FTCDNL1: variants seen among roughly 807,000 people sequenced by gnomAD.
The protein encoded by FTCDNL1 is formiminotransferase cyclodeaminase N-terminal like, also known as formiminotransferase N-terminal subdomain-containing protein.
Under a neutral mutation model 5.9 loss-of-function variants are expected in FTCDNL1, and 11 were observed. That is an observed-to-expected ratio of 1.87 (90% CI 1.18 to 3.10). The LOEUF (loss-of-function observed/expected upper bound fraction) is 3.10. Among genes scored for constraint, FTCDNL1 ranks in the 30% most tolerant of loss-of-function variants. The pLI, the probability that FTCDNL1 is intolerant of heterozygous loss-of-function variation, is 0.00. For missense variants in FTCDNL1, 115 were observed against 65.5 expected, an observed-to-expected ratio of 1.76 and a Z score of -2.61; for synonymous variants, 58 against 24.8, an observed-to-expected ratio of 2.34 and a Z score of -3.99.
chr2:199,836,246 C>G (rs537526979), intron 3 of FTCDNL1, among the ~76,000 whole-genome samples: 169 of 152,096 alleles, frequency 1.1e-3, no homozygotes, highest in Non-Finnish European at 2.0e-3. Context: ...CTCACTGCAG[C>G]CTCAACCTCC....
chr2:199,818,506 C>A (rs1418891690), intron 4 of FTCDNL1: 1 of 151,934 alleles, frequency 6.6e-6, no homozygotes, highest in Non-Finnish European at 1.5e-5. Context: ...TTTATAGATA[C>A]GGGAACCAAA....
intron 3 of FTCDNL1, among the ~76,000 whole-genome samples, chr2:199,782,681 A>G (rs751424296): frequency 2.1e-4 from 32 of 152,238 alleles, no homozygotes; most frequent in Admixed American, 2.0e-3. Flanking sequence ...GTCTCCACGT[A>G]TCCTCCTAAG....
chr2:199,699,923 A>G, the FTCDNL1 span, among the ~76,000 whole-genome samples: 11 of 152,348 alleles, frequency 7.2e-5, no homozygotes, highest in African/African-American at 1.2e-4. Flanking sequence ...GCCACATATG[A>G]TAAACCCACA....
At chr2:199,835,943 G>A (rs375458020) in intron 3 of FTCDNL1, among the ~76,000 whole-genome samples, 2 of 152,216 alleles carry the variant, frequency 1.3e-5, no homozygotes, top group East Asian at 3.9e-4. Flanking sequence ...AATGACTCCT[G>A]GTTTAACACT....
chr2:199,755,233 A>T, the FTCDNL1 span, among the ~76,000 whole-genome samples: 1 of 152,148 alleles, frequency 6.6e-6, no homozygotes, highest in Admixed American at 6.5e-5. Flanking sequence ...CCCCTTCATC[A>T]CTGGCTTGAT....
chr2:199,730,628 C>T, the FTCDNL1 span, among the ~76,000 whole-genome samples: 1 of 152,152 alleles, frequency 6.6e-6, no homozygotes, highest in Admixed American at 6.5e-5. Flanking sequence ...AAATGCAAAT[C>T]AAAACCACAA....
rs1701059946 is a variant in FTCDNL1, at chr2:199,811,931, A to C, written c.*774T>G. ...GTCCCAACAGCGACTTACTTGATTG[A>C]AATGAAACTCTTATTTTTAAAATTC... On this transcript the variant is annotated 3_prime_UTR_variant, in exon 5 of 5. Coordinates refer to ENST00000420128, the MANE Select transcript of FTCDNL1 (RefSeq NM_001363886.2). Among the ~76,000 whole-genome samples the C allele has an allele frequency of 6.6e-6, 1 of 152,262 alleles. No homozygotes were observed. Among genetic ancestry groups the C allele is most frequent in the Non-Finnish European group, 1.5e-5 (1 of 68,052 alleles).
intron 3 of FTCDNL1, among the ~76,000 whole-genome samples, chr2:199,823,637 TTTTTC>T (rs1238724980): frequency 1.3e-5 from 2 of 152,176 alleles, no homozygotes; most frequent in Non-Finnish European, 2.9e-5. Context: ...AAGGAATATT[TTTTTC>T]TGAGCAGTAG....
downstream of FTCDNL1, among the ~76,000 whole-genome samples, chr2:199,756,660 T>C (rs1698083267): frequency 6.6e-6 from 1 of 152,230 alleles, no homozygotes; most frequent in African/African-American, 2.4e-5. Context: ...TATTTTATTG[T>C]AGGTGTACAA....
Position 199,848,966 on chromosome 2 carries a change from T to C in FTCDNL1, c.-4A>G. 1 of 700,812 alleles carries C rather than the reference T, an allele frequency of 1.4e-6. No individual in the cohort carries two copies. The highest frequency in any genetic ancestry group is 2.6e-6 in the Non-Finnish European group (1 of 384,444). 43.4% of individuals were successfully genotyped at this position (700,812 alleles called of 1,614,324 possible). A position where few individuals can be genotyped will look rare whatever the true frequency, so the allele number is the denominator to read the frequency against. On this transcript the variant is annotated 5_prime_UTR_variant, in exon 2 of 5. Transcript: ENST00000420128. ...GCCCCACTCTGGAAGAAGACATGAT[T>C]TTTCTGGAATAGGAGAAAAATTTTT... is the stretch of plus-strand genomic sequence containing the variant.
chr2:199,812,256 G>A lies in FTCDNL1; in HGVS notation c.*449C>T, dbSNP rs961603799. On this transcript the variant is annotated 3_prime_UTR_variant, in exon 5 of 5. Coordinates refer to ENST00000420128, the MANE Select transcript of FTCDNL1 (RefSeq NM_001363886.2). ...TGGGGAAACTTCTCTCCCTTGGAAG[G>A]TGAAAGAAGAAAGAAAGAAAAAGAA... Among the ~76,000 whole-genome samples the A allele has an allele frequency of 9.2e-5, 14 of 152,106 alleles. No homozygotes were observed. The highest frequency in any genetic ancestry group is 3.4e-4 in the African/African-American group (14 of 41,410).
the FTCDNL1 span, among the ~76,000 whole-genome samples, chr2:199,753,120 TTAAA>T: frequency 6.6e-6 from 1 of 152,112 alleles, no homozygotes; most frequent in Admixed American, 6.5e-5. Flanking sequence ...AATTCAGCAA[TTAAA>T]TAAAGACACA....
chr2:199,791,508 C>T (rs895120981), intron 3 of FTCDNL1, among the ~76,000 whole-genome samples: 4 of 152,088 alleles, frequency 2.6e-5, no homozygotes, highest in Non-Finnish European at 5.9e-5. Context: ...TATCATAAAG[C>T]ACTACACTTT....
At chr2:199,795,284 T>C (rs1328461618) in intron 3 of FTCDNL1, among the ~76,000 whole-genome samples, 2 of 152,188 alleles carry the variant, frequency 1.3e-5, no homozygotes, top group Non-Finnish European at 2.9e-5. Flanking sequence ...TCAGACGTGA[T>C]GGCTGAATAC....
chr2:199,680,502 G>GA, the FTCDNL1 span, among the ~76,000 whole-genome samples: 1 of 152,132 alleles, frequency 6.6e-6, no homozygotes, highest in Non-Finnish European at 1.5e-5. Flanking sequence ...TTGAAACCAG[G>GA]AAAAAATTAG....
At chr2:199,835,252 A>G (rs990678191) in intron 3 of FTCDNL1, among the ~76,000 whole-genome samples, 1 of 152,176 alleles carries the variant, frequency 6.6e-6, no homozygotes, top group Non-Finnish European at 1.5e-5. Context: ...AATCCCCTCA[A>G]GGTAGGTAAC....
At chr2:199,693,144 C>T in the FTCDNL1 span, among the ~76,000 whole-genome samples, 2 of 152,134 alleles carry the variant, frequency 1.3e-5, no homozygotes, top group South Asian at 4.1e-4. Flanking sequence ...GTTATAGATA[C>T]CAGATTAGAT....
chr2:199,722,620 C>T, the FTCDNL1 span, among the ~76,000 whole-genome samples: 1 of 152,036 alleles, frequency 6.6e-6, no homozygotes, highest in Non-Finnish European at 1.5e-5. Flanking sequence ...TTTTTTGGTT[C>T]CACATGAATT....
At chr2:199,754,257 A>G in the FTCDNL1 span, among the ~76,000 whole-genome samples, 1 of 152,168 alleles carries the variant, frequency 6.6e-6, no homozygotes, top group Non-Finnish European at 1.5e-5. Context: ...GAGTGTGGTC[A>G]TGGGGCCAAG....
Sources: gnomAD v4.1 joint callset for allele counts (sites outside exome capture counted in the v4.1 genomes callset) on GRCh38, gnomAD v4.1.1 for gene constraint, MANE v1.5 for transcripts, NCBI Gene and HGNC (gene_info 2026-07-23, HGNC 2026-07-21) for gene names.